ANO4: variants seen among roughly 807,000 people sequenced by gnomAD.
The protein encoded by ANO4 is anoctamin-4.
In ANO4, 69 loss-of-function variants were observed where a neutral mutation model predicts 141.9. The ratio of observed to expected loss-of-function variants is 0.49; its 90% CI spans 0.40 to 0.59. The LOEUF is 0.59. ANO4 is among the 20% of genes least tolerant of loss of function. ANO4 has a pLI of 0.00. For missense variants in ANO4, 894 were observed against 1,162.2 expected (o/e 0.77, Z 3.36); for synonymous variants, 350 against 394.3 (o/e 0.89, Z 1.33).
At chr12:100,914,162 A>G (rs2041234442) in intron 2 of ANO4, among the ~76,000 whole-genome samples, 1 of 152,232 alleles carries the variant, frequency 6.6e-6, no homozygotes, top group Non-Finnish European at 1.5e-5. Flanking sequence ...GGGAACTTTT[A>G]GTGCAGGGAT....
At chr12:101,076,261 A>ATTAT (rs2049021474) in intron 14 of ANO4, among the ~76,000 whole-genome samples, 1 of 152,166 alleles carries the variant, frequency 6.6e-6, no homozygotes, top group Non-Finnish European at 1.5e-5. Flanking sequence ...TACTTATAAA[A>ATTAT]GAGACCCCAG....
chr12:100,919,351 C>G (rs2041500308), intron 2 of ANO4, among the ~76,000 whole-genome samples: 1 of 152,176 alleles, frequency 6.6e-6, no homozygotes, highest in Non-Finnish European at 1.5e-5. Flanking sequence ...CCTGCAAGCT[C>G]CATTCATGGT....
At chr12:100,905,408 GA>G (rs148317825) in intron 2 of ANO4, among the ~76,000 whole-genome samples, 12,366 of 152,152 alleles carry the variant, frequency 0.081, 769 homozygotes, top group African/African-American at 0.17. Context: ...CAAAGATGGA[GA>G]AAACCCAGAA....
chr12:101,086,606 T>C (rs1358587326), intron 16 of ANO4, 54 bp from the exon 17 acceptor site: 22 of 1,598,330 alleles, frequency 1.4e-5, no homozygotes, highest in Non-Finnish European at 1.9e-5. Context: ...ATGTGAATCC[T>C]CTTCCTGTAA....
chr12:100,719,539 A>G (rs1164666634), intron 1 of ANO4, among the ~76,000 whole-genome samples: 1 of 152,204 alleles, frequency 6.6e-6, no homozygotes, highest in African/African-American at 2.4e-5. Context: ...TTTAGGCATC[A>G]TGATGGGGGA....
intron 14 of ANO4, among the ~76,000 whole-genome samples, chr12:101,073,375 G>A (rs111308202): frequency 0.018 from 2,731 of 152,128 alleles, 47 homozygotes; most frequent in Non-Finnish European, 0.022. Flanking sequence ...TGAACAGTGA[G>A]AACACTTGGA....
chr12:100,768,620 A>C (rs2135546019), intron 3 of ANO4, among the ~76,000 whole-genome samples: 1 of 152,354 alleles, frequency 6.6e-6, no homozygotes, highest in East Asian at 1.9e-4. Context: ...TGTCTTGCAC[A>C]GTGCCCCTAC....
chr12:101,013,938 A>G (rs1367475199), intron 8 of ANO4, among the ~76,000 whole-genome samples: 2 of 152,308 alleles, frequency 1.3e-5, no homozygotes, highest in Admixed American at 6.5e-5. Context: ...TAAAATTAGC[A>G]TATTTTATAA....
chr12:100,796,946 T>C lies in ANO4; in HGVS notation c.-141+1919T>C, dbSNP rs547289058. ...AGAATCAGCTTGGGTGTCATGGAAA[T>C]AGACTCAGTATTTCTCACTGCAGGC... On this transcript the variant is annotated intron_variant, in intron 1 of 27. Transcript: ENST00000392977. Among the ~76,000 whole-genome samples the C allele has an allele frequency of 1.9e-4, 29 of 152,286 alleles. No individual in the cohort carries two copies. The South Asian group carries it at 2.1e-3, about 11-fold the overall frequency.
intron 6 of ANO4, among the ~76,000 whole-genome samples, chr12:100,973,819 C>G (rs2044035428): frequency 6.6e-6 from 1 of 152,188 alleles, no homozygotes; most frequent in Non-Finnish European, 1.5e-5. Context: ...TGCAGAGTAG[C>G]TGCACTGCCC....
chr12:101,065,447 G>A (rs2048540612), intron 14 of ANO4, among the ~76,000 whole-genome samples: 1 of 152,112 alleles, frequency 6.6e-6, no homozygotes, highest in Non-Finnish European at 1.5e-5. Flanking sequence ...TGATACCACA[G>A]AAATTCAAAT....
chr12:100,894,350 C>G (rs1565980251), intron 1 of ANO4, among the ~76,000 whole-genome samples: 1 of 152,026 alleles, frequency 6.6e-6, no homozygotes, highest in Non-Finnish European at 1.5e-5. Context: ...TAAGCAACAA[C>G]CTATCTTCAG....
At position 100,799,288 on chromosome 12, in the gene ANO4, C is replaced by T. The variant is rs565325623; in HGVS notation, c.-141+4261C>T. 1.2e-4 allele frequency among the ~76,000 whole-genome samples: 18 copies of T among 152,294 alleles called. No individual in the cohort carries two copies. The South Asian group carries it at 2.9e-3, about 25-fold the overall frequency. On this transcript the variant is annotated intron_variant, in intron 1 of 27. Transcript: ENST00000392977. ...CATTCCTGGAGGGAGTAGGCTGTAA[C>T]TTCCTTTGACCCTGCAAAGCCCCCA... is the stretch of plus-strand genomic sequence containing the variant.
At chr12:100,823,507 T>A in intron 1 of ANO4, among the ~76,000 whole-genome samples, 1 of 152,160 alleles carries the variant, frequency 6.6e-6, no homozygotes, top group Middle Eastern at 3.4e-3. Flanking sequence ...TTGGGACATA[T>A]ATTGCTTCTA....
chr12:100,997,322 ACT>A (rs1429332784), intron 8 of ANO4, among the ~76,000 whole-genome samples: 1 of 121,406 alleles, frequency 8.2e-6, no homozygotes, highest in African/African-American at 3.0e-5. Flanking sequence ...ACAGAGCGAG[ACT>A]CTGTCTCAAA....
intron 14 of ANO4, among the ~76,000 whole-genome samples, chr12:101,061,679 T>C (rs117051027): frequency 0.011 from 1,731 of 152,012 alleles, 12 homozygotes; most frequent in Non-Finnish European, 0.019. Context: ...GACTCGACTA[T>C]TGATACTTGT....
chr12:100,975,062 GA>G (rs897966391), intron 7 of ANO4, among the ~76,000 whole-genome samples, 173 bp downstream of exon 7: 1 of 152,122 alleles, frequency 6.6e-6, no homozygotes, highest in African/African-American at 2.4e-5. Context: ...AAAAAAAGAT[GA>G]AAACGTCCCT....
intron 22 of ANO4, among the ~76,000 whole-genome samples, chr12:101,103,557 G>C (rs1342854422): frequency 2.6e-5 from 4 of 151,702 alleles, no homozygotes; most frequent in Non-Finnish European, 4.4e-5. Context: ...TTGTTAAAAA[G>C]TTGTTAAACT....
chr12:101,006,139 A>G (rs1327588307), intron 8 of ANO4, among the ~76,000 whole-genome samples: 4 of 152,176 alleles, frequency 2.6e-5, no homozygotes, highest in Non-Finnish European at 5.9e-5. Flanking sequence ...GAAAAAGGCT[A>G]TTCCCCAGCC....
Sources: allele counts gnomAD v4.1 joint callset (sites outside exome capture counted in the v4.1 genomes callset), GRCh38; gene constraint gnomAD v4.1.1; transcripts MANE v1.5; gene names NCBI Gene and HGNC (gene_info 2026-07-23, HGNC 2026-07-21).